Variants in ITPR1 observed in about 807,000 individuals in gnomAD.
ITPR1 encodes inositol 1,4,5-trisphosphate receptor type 1, also known as inositol 1,4,5-trisphosphate-gated calcium channel ITPR1.
A neutral mutation model predicts 318.4 loss-of-function variants in ITPR1; 96 were observed. The observed-to-expected ratio is 0.30, with a 90% CI of 0.26 to 0.36. The LOEUF (loss-of-function observed/expected upper bound fraction) is 0.36. ITPR1 is among the 10% of genes least tolerant of loss of function. The pLI is 1.00. For synonymous variants in ITPR1, 1,312 were observed against 1,289.9 expected, an observed-to-expected ratio of 1.02 and a Z score of -0.37; for missense variants, 2,440 against 3,460.2, an observed-to-expected ratio of 0.71 and a Z score of 7.40.
In ITPR1 at chr3:4,836,256, G is replaced by A. The variant is rs542153371; in HGVS notation, c.8029-518G>A. On this transcript the variant is annotated intron_variant, in intron 60 of 61. Coordinates refer to ENST00000649015, the MANE Select transcript of ITPR1 (RefSeq NM_001378452.1). Reference sequence around the variant, plus strand: ...AATGGTGGTTGCCCGGGGCCGGCGGGAATGGGGTTAGTGTTTGATGGGGAT... The same window carrying A: ...AATGGTGGTTGCCCGGGGCCGGCGGAAATGGGGTTAGTGTTTGATGGGGAT... 2.0e-5 allele frequency among the ~76,000 whole-genome samples: 3 copies of A among 152,218 alleles called. No individual in the cohort carries two copies. The South Asian group carries it at 6.2e-4, about 32-fold the overall frequency.
chr3:4,770,943 G>A (rs961965984), intron 46 of ITPR1, among the ~76,000 whole-genome samples: 2 of 152,154 alleles, frequency 1.3e-5, no homozygotes, highest in African/African-American at 4.8e-5. Context: ...ACCCACAGAG[G>A]ACTAGATGCT....
chr3:4,772,438 G>A (rs2046246500), intron 46 of ITPR1, among the ~76,000 whole-genome samples: 1 of 152,246 alleles, frequency 6.6e-6, no homozygotes, highest in Non-Finnish European at 1.5e-5. Flanking sequence ...TTGCCAAACA[G>A]GCAGTTGCTG....
chr3:4,521,440 C>T lies in ITPR1; in HGVS notation c.163+346C>T, dbSNP rs141495659. Among the ~76,000 whole-genome samples, 1,275 of 152,168 alleles carry T rather than the reference C, an allele frequency of 8.4e-3. 23 individuals carry two copies. Among genetic ancestry groups the T allele is most frequent in the African/African-American group, 0.03 (1,227 of 41,510 alleles). On this transcript the variant is annotated intron_variant, in intron 4 of 61. Transcript: ENST00000649015. The stretch of plus-strand genomic sequence containing the variant: ...CATTATTTCAGCAGATCTCACTGTC[C>T]GTTTGGGGATGCTGATATTCTTAGA...
chr3:4,630,532 G>GTT lies in ITPR1; in HGVS notation c.279+2663_279+2664dup, dbSNP rs11370167. On this transcript the variant is annotated intron_variant, in intron 5 of 61. Coordinates refer to ENST00000649015, the MANE Select transcript of ITPR1 (RefSeq NM_001378452.1). Reference sequence around the variant, plus strand: ...CTTTTTCTTATATCAGATTTTTAAAGTTTTTTTTTTACTATTTTAAATTGT... The same window carrying GTT: ...CTTTTTCTTATATCAGATTTTTAAAGTTTTTTTTTTTTACTATTTTAAATTGT... Among the ~76,000 whole-genome samples the GTT allele has an allele frequency of 5.1e-3, 741 of 145,390 alleles. 15 individuals are homozygous for GTT. Among genetic ancestry groups the GTT allele is most frequent in the African/African-American group, 0.016 (629 of 39,674 alleles).
At chr3:4,661,973 T>G in intron 14 of ITPR1, 109 bp from the exon 15 acceptor site, 1 of 867,838 alleles carries the variant, frequency 1.2e-6, no homozygotes, top group East Asian at 2.6e-5. Flanking sequence ...AACTGCAAGA[T>G]AGCTCTAGTA....
intron 51 of ITPR1, among the ~76,000 whole-genome samples, chr3:4,784,568 T>TG (rs1210564075): frequency 1.3e-3 from 180 of 140,568 alleles, no homozygotes; most frequent in African/African-American, 4.5e-3. Context: ...TGTTTTTTGT[T>TG]TTTTTTTTTT....
intron 55 of ITPR1, among the ~76,000 whole-genome samples, chr3:4,810,732 G>A (rs1272697952): frequency 6.6e-6 from 1 of 152,142 alleles, no homozygotes; most frequent in Non-Finnish European, 1.5e-5. Flanking sequence ...ACTCAGAGGG[G>A]ATGAGGAAAG....
chr3:4,634,916 T>C (rs765957027), intron 5 of ITPR1, among the ~76,000 whole-genome samples: 8 of 152,084 alleles, frequency 5.3e-5, no homozygotes, highest in Admixed American at 5.2e-4. Context: ...TTTTTGGGGG[T>C]ATTTTTAGTA....
intron 10 of ITPR1, among the ~76,000 whole-genome samples, chr3:4,650,645 G>GTGTGTGTGTGTGTGCA (rs1491220486): frequency 1.9e-5 from 1 of 51,742 alleles, no homozygotes; most frequent in African/African-American, 5.0e-5. Context: ...GTGTGTGTGT[G>GTGTGTGTGTGTGTGCA]CGCGCGTCTG....
intron 52 of ITPR1, among the ~76,000 whole-genome samples, chr3:4,788,533 T>C (rs1480309801): frequency 6.6e-6 from 1 of 152,236 alleles, no homozygotes; most frequent in Non-Finnish European, 1.5e-5. Context: ...GCACACCTGC[T>C]CCAGAGACTC....
chr3:4,749,114 A>G (rs911663230), intron 44 of ITPR1: 3 of 152,240 alleles, frequency 2.0e-5, no homozygotes, highest in African/African-American at 7.2e-5. Context: ...CACGTGGTAG[A>G]CAAGGGTTAG....
chr3:4,498,488 G>A (rs1184694323), intron 2 of ITPR1, among the ~76,000 whole-genome samples: 9 of 152,114 alleles, frequency 5.9e-5, no homozygotes, highest in African/African-American at 2.2e-4. Context: ...AGACCTGTAG[G>A]GACCAGATTT....
intron 54 of ITPR1, among the ~76,000 whole-genome samples, chr3:4,801,680 C>A (rs1049668241): frequency 6.6e-6 from 1 of 152,130 alleles, no homozygotes; most frequent in Non-Finnish European, 1.5e-5. Context: ...AGGAGAATCA[C>A]TTGAACCTGA....
At chr3:4,696,451 T>C (rs2094559066) in intron 33 of ITPR1, among the ~76,000 whole-genome samples, 2 of 152,230 alleles carry the variant, frequency 1.3e-5, no homozygotes, top group Admixed American at 6.5e-5. Context: ...TTCGTTCCTT[T>C]ATGTTGCTGA....
At chr3:4,725,779 G>A (rs1040043673) in intron 41 of ITPR1, among the ~76,000 whole-genome samples, 198 bp downstream of exon 41, 1 of 152,082 alleles carries the variant, frequency 6.6e-6, no homozygotes, top group Non-Finnish European at 1.5e-5. Flanking sequence ...CTGAGGAGCT[G>A]GATCCAAACT....
chr3:4,591,905 G>A (rs1182153189), intron 4 of ITPR1, among the ~76,000 whole-genome samples: 1 of 152,088 alleles, frequency 6.6e-6, no homozygotes, highest in Non-Finnish European at 1.5e-5. Flanking sequence ...TGACATAACT[G>A]TATTACATAA....
Position 4,710,507 on chromosome 3 carries a change from C to A in ITPR1, c.4991+34C>A, listed in dbSNP as rs546084754. 14 of 1,542,942 alleles carry A rather than the reference C, an allele frequency of 9.1e-6. No homozygotes were observed. Among genetic ancestry groups the A allele is most frequent in the Non-Finnish European group, 1.1e-5 (13 of 1,140,964 alleles). ...CCTCTCTCTCTGGGGTGTTCATTTG[C>A]CAGAACCTTGATGACCTCACAAAGC... On this transcript the variant is annotated intron_variant, in intron 38 of 61. Coordinates refer to ENST00000649015, the MANE Select transcript of ITPR1 (RefSeq NM_001378452.1). The surrounding 1 kb of genome is among the most constrained non-coding windows in gnomAD (Gnocchi z 4.2).
chr3:4,808,689 A>C (rs1310378138), intron 55 of ITPR1, among the ~76,000 whole-genome samples: 1 of 152,208 alleles, frequency 6.6e-6, no homozygotes, highest in African/African-American at 2.4e-5. Context: ...TGACACTTCA[A>C]ATTATTCTAC....
chr3:4,786,666 C>T (rs751723168), intron 51 of ITPR1, among the ~76,000 whole-genome samples: 11 of 152,304 alleles, frequency 7.2e-5, no homozygotes, highest in South Asian at 4.1e-4. Flanking sequence ...CAATCAAGTG[C>T]GCTAGAATTT....
Sources: allele counts gnomAD v4.1 joint callset (sites outside exome capture counted in the v4.1 genomes callset), GRCh38; gene constraint gnomAD v4.1.1; non-coding constraint Gnocchi (gnomAD v3.1); transcripts MANE v1.5; gene names NCBI Gene and HGNC (gene_info 2026-07-23, HGNC 2026-07-21).